GRIK2: variants seen among roughly 807,000 people sequenced by gnomAD.
The protein encoded by GRIK2 is glutamate ionotropic receptor kainate type subunit 2, also known as glutamate receptor ionotropic, kainate 2.
In GRIK2, 32 loss-of-function variants were observed where a neutral mutation model predicts 100.3. That is an observed-to-expected ratio of 0.32 (90% CI 0.24 to 0.43). GRIK2 has a LOEUF of 0.43. GRIK2 is among the 20% of genes least tolerant of loss of function. The pLI is 1.00. For synonymous variants in GRIK2, 417 were observed against 389.4 expected, an observed-to-expected ratio of 1.07 and a Z score of -0.83; for missense variants, 843 against 1,114.9, an observed-to-expected ratio of 0.76 and a Z score of 3.47.
At chr6:101,944,295 T>A (rs1791139292) in intron 14 of GRIK2, among the ~76,000 whole-genome samples, 1 of 152,200 alleles carries the variant, frequency 6.6e-6, no homozygotes. Flanking sequence ...AGTGTGAAAA[T>A]GAACTAATAA....
At chr6:101,792,036 C>CT (rs1415968131) in intron 7 of GRIK2, among the ~76,000 whole-genome samples, 5 of 151,892 alleles carry the variant, frequency 3.3e-5, no homozygotes, top group Non-Finnish European at 5.9e-5. Flanking sequence ...CAACCCCTGC[C>CT]TTTTTTTGTT....
chr6:101,621,665 G>A (rs530384158), intron 2 of GRIK2, among the ~76,000 whole-genome samples: 9 of 151,944 alleles, frequency 5.9e-5, no homozygotes, highest in Non-Finnish European at 1.3e-4. Flanking sequence ...AAGAAAAAAA[G>A]TCCAAATCAT....
chr6:101,679,205 C>A (rs1414767114), intron 5 of GRIK2, among the ~76,000 whole-genome samples: 2 of 152,084 alleles, frequency 1.3e-5, no homozygotes, highest in African/African-American at 2.4e-5. Flanking sequence ...TAATAAAATC[C>A]TACAGTGGTG....
intron 2 of GRIK2, among the ~76,000 whole-genome samples, chr6:101,451,953 T>C (rs1562147534): frequency 6.6e-6 from 1 of 151,824 alleles, no homozygotes; most frequent in South Asian, 2.1e-4. Context: ...GTACTAAAAC[T>C]AATAGCCAAT....
At position 101,813,094 on chromosome 6, in the gene GRIK2, TAG is replaced by T. The variant is rs1039112695; in HGVS notation, c.1204-5272_1204-5271del. Among the ~76,000 whole-genome samples the T allele has an allele frequency of 1.8e-4, 27 of 152,108 alleles. 1 individual carries two copies. Among genetic ancestry groups the T allele is most frequent in the African/African-American group, 4.6e-4 (19 of 41,550 alleles). On this transcript the variant is annotated intron_variant, in intron 9 of 16. Coordinates refer to ENST00000369134, the MANE Select transcript of GRIK2 (RefSeq NM_021956.5). ...TGCATATACATAAATGTACTATATA[TAG>T]AGATACATGCATACATCTACATAGA...
rs749606118 is a variant in GRIK2, at chr6:101,928,454, T to C, written c.1907T>C (p.Val636Ala). ...CCCAAAGCACTGTCCACCAGGATAG[T>C]GGGAGGCATTTGGTGGTTTTTCACA... is the stretch of plus-strand genomic sequence containing the variant. ...LMPKALSTRI[V>A]GGIWWFFTLI... is the part of the protein sequence containing the mutation. The change falls in exon 14 of 17, where the codon GTG becomes GCG. Residue 636 changes from valine (V) to alanine (A), a missense_variant. By Grantham distance (64) the Val-to-Ala change is moderately conservative. Coordinates refer to ENST00000369134, the MANE Select transcript of GRIK2 (RefSeq NM_021956.5). 6.2e-7 allele frequency: 1 copy of C among 1,608,010 alleles called. No homozygotes were observed. Among genetic ancestry groups the C allele is most frequent in the South Asian group, 1.1e-5 (1 of 90,964 alleles).
intron 11 of GRIK2, among the ~76,000 whole-genome samples, chr6:101,874,311 A>T (rs990489113): frequency 5.3e-5 from 8 of 152,158 alleles, no homozygotes; most frequent in African/African-American, 1.7e-4. Context: ...AGCTTTCTAC[A>T]TATGGCTAGC....
intron 7 of GRIK2, among the ~76,000 whole-genome samples, chr6:101,775,756 A>G (rs753806767): frequency 1.4e-4 from 21 of 151,570 alleles, no homozygotes; most frequent in Non-Finnish European, 1.2e-4. Context: ...ATATATATGG[A>G]AACAATATAT....
chr6:101,833,434 C>A (rs550907027), intron 10 of GRIK2, among the ~76,000 whole-genome samples: 1 of 152,166 alleles, frequency 6.6e-6, no homozygotes, highest in Non-Finnish European at 1.5e-5. Context: ...TGGGTTTCAC[C>A]ATCTTGGCCA....
chr6:101,539,890 G>T (rs1205642715), intron 2 of GRIK2, among the ~76,000 whole-genome samples: 4 of 151,640 alleles, frequency 2.6e-5, no homozygotes, highest in African/African-American at 9.7e-5. Context: ...CCTCAGTTTT[G>T]TCGCAGCAAG....
At chr6:102,001,628 C>T (rs757343871) in intron 14 of GRIK2, among the ~76,000 whole-genome samples, 6 of 151,934 alleles carry the variant, frequency 3.9e-5, no homozygotes, top group Non-Finnish European at 8.8e-5. Context: ...TGGGTTGGTT[C>T]CAAGTCTTTG....
intron 2 of GRIK2, among the ~76,000 whole-genome samples, chr6:101,541,832 C>T (rs1395904272): frequency 6.6e-6 from 1 of 151,910 alleles, no homozygotes; most frequent in Non-Finnish European, 1.5e-5. Flanking sequence ...TTTTCTTATT[C>T]CCTCTTTCCT....
chr6:101,767,702 A>G (rs1213787661), intron 7 of GRIK2, among the ~76,000 whole-genome samples: 1 of 152,088 alleles, frequency 6.6e-6, no homozygotes, highest in Non-Finnish European at 1.5e-5. Context: ...CCTCTGAGGA[A>G]GTCAGGAGCA....
chr6:101,874,436 G>A (rs533189031), intron 11 of GRIK2, among the ~76,000 whole-genome samples: 50 of 152,176 alleles, frequency 3.3e-4, no homozygotes, highest in Middle Eastern at 3.4e-3. Context: ...TGCGGGCTGC[G>A]TTCTGTTCCA....
chr6:101,515,025 A>G (rs1323253796), intron 2 of GRIK2, among the ~76,000 whole-genome samples: 1 of 151,998 alleles, frequency 6.6e-6, no homozygotes, highest in Middle Eastern at 3.2e-3. Flanking sequence ...CATCATATTT[A>G]TAGTCTTTTA....
chr6:101,502,488 A>G (rs1188334758), intron 2 of GRIK2, among the ~76,000 whole-genome samples: 1 of 152,228 alleles, frequency 6.6e-6, no homozygotes, highest in African/African-American at 2.4e-5. Context: ...CGAGACATAG[A>G]AAATAAAAAA....
chr6:101,889,653 C>A lies in GRIK2; in HGVS notation c.1538C>A (p.Ala513Glu). ...RELIDHKADL[A>E]VAPLAITYVR... ...TTCTGTCTACAGAAAGCTGACCTTG[C>A]AGTTGCTCCACTGGCTATTACCTAT... The change falls in exon 12 of 17, where the codon GCA (alanine) becomes GAA (glutamate). Residue 513 changes from alanine (A) to glutamate (E), a missense_variant. Transcript: ENST00000369134. 6.5e-7 allele frequency: 1 copy of A among 1,530,978 alleles called. No individual in the cohort carries two copies. Among genetic ancestry groups the A allele is most frequent in the Non-Finnish European group, 8.9e-7 (1 of 1,117,976 alleles). The allele number at this position is 1,530,978 out of a possible 1,614,324, so 94.8% of individuals were successfully genotyped here. A position where few individuals can be genotyped will look rare whatever the true frequency, so the allele number is the denominator to read the frequency against.
intron 2 of GRIK2, among the ~76,000 whole-genome samples, chr6:101,415,365 CTTTT>C (rs55751504): frequency 1.7e-4 from 17 of 100,748 alleles, no homozygotes; most frequent in African/African-American, 5.4e-4. Flanking sequence ...TTTTCCATAA[CTTTT>C]TTTTTTTTTT....
At chr6:101,629,057 A>G (rs1446862668) in intron 4 of GRIK2, among the ~76,000 whole-genome samples, 1 of 152,112 alleles carries the variant, frequency 6.6e-6, no homozygotes, top group East Asian at 1.9e-4. Flanking sequence ...CCTGCTTTAA[A>G]TTATATTCTC....
Sources: gnomAD v4.1 joint callset for allele counts (sites outside exome capture counted in the v4.1 genomes callset) on GRCh38, gnomAD v4.1.1 for gene constraint, MANE v1.5 for transcripts, NCBI Gene and HGNC (gene_info 2026-07-23, HGNC 2026-07-21) for gene names.